XPO6: variants seen among roughly 807,000 people sequenced by gnomAD.
XPO6 encodes the protein exportin-6.
Under a neutral mutation model 130.0 loss-of-function variants are expected in XPO6, and 3 were observed. The observed-to-expected ratio is 0.02, with a 90% CI of 0.01 to 0.06. The LOEUF (loss-of-function observed/expected upper bound fraction) is 0.06, where lower values mean the gene tolerates loss of function less well. Ranked by LOEUF, XPO6 falls within the 10% of genes least tolerant of loss-of-function variation. The pLI is 1.00. For synonymous variants in XPO6, 524 were observed against 548.9 expected (o/e 0.95, Z 0.63); for missense variants, 970 against 1,393.0 (o/e 0.70, Z 4.83).
At chr16:28,133,772 G>A in intron 11 of XPO6, 69 bp downstream of exon 11, 1 of 1,430,390 alleles carries the variant, frequency 7.0e-7, no homozygotes, top group South Asian at 1.2e-5. Flanking sequence ...AGATCCAGGG[G>A]AGTCAACCAG....
rs529603592 is a variant in XPO6, at chr16:28,133,865, C to A, written c.1512G>T (p.Leu504=). The change falls in exon 11 of 24, where the codon CTG becomes CTT. Residue 504 remains leucine, a synonymous_variant. Coordinates refer to ENST00000304658, the MANE Select transcript of XPO6 (RefSeq NM_015171.4). The part of the protein sequence containing the change: ...LEVVAKVMEL[L]PTHAFSTLFP... ...CCAGTGTGGAGAAGGCGTGCGTGGG[C>A]AGGAGCTCCATCACTTTGGCCACCA... 1.9e-6 allele frequency: 3 copies of A among 1,613,974 alleles called. No individual in the cohort carries two copies. The highest frequency in any genetic ancestry group is 2.7e-5 in the African/African-American group (2 of 74,900).
At chr16:28,129,561 A>C (rs2042626177) in intron 12 of XPO6, among the ~76,000 whole-genome samples, 1 of 151,562 alleles carries the variant, frequency 6.6e-6, no homozygotes, top group African/African-American at 2.5e-5. Flanking sequence ...GACCTAAGCC[A>C]CATCCAAAGA....
chr16:28,104,497 T>C, intron 21 of XPO6, 49 bp downstream of exon 21: 1 of 1,596,764 alleles, frequency 6.3e-7, no homozygotes, highest in African/African-American at 1.3e-5. Flanking sequence ...CTCGCTGCAG[T>C]GGTCAGGTTA....
At chr16:28,192,455 C>T (rs1366761156) in intron 1 of XPO6, among the ~76,000 whole-genome samples, 1 of 152,052 alleles carries the variant, frequency 6.6e-6, no homozygotes, top group African/African-American at 2.4e-5. Context: ...TGCAATGCCT[C>T]GCCCTTCCCA....
intron 2 of XPO6, chr16:28,179,352 C>T (rs1239302610): frequency 6.6e-6 from 1 of 152,182 alleles, no homozygotes; most frequent in Non-Finnish European, 1.5e-5. Context: ...GCATGGGCCA[C>T]CATGCCTAGT....
intron 2 of XPO6, among the ~76,000 whole-genome samples, chr16:28,177,910 A>G (rs1429585513): frequency 6.6e-6 from 1 of 152,232 alleles, no homozygotes; most frequent in Non-Finnish European, 1.5e-5. Flanking sequence ...AAGTGAATCG[A>G]CCGGTGGCAA....
At chr16:28,207,265 G>T (rs1457031893) in intron 1 of XPO6, among the ~76,000 whole-genome samples, 1 of 149,414 alleles carries the variant, frequency 6.7e-6, no homozygotes, top group Non-Finnish European at 1.5e-5. Context: ...AAAAAGGAAA[G>T]AAAGAAAGAA....
intron 7 of XPO6, chr16:28,153,163 C>A (rs1445777252): frequency 1.4e-5 from 14 of 1,014,636 alleles, no homozygotes; most frequent in Non-Finnish European, 1.6e-5. Context: ...TTCCGGGAGG[C>A]CAAAATACTA....
chr16:28,133,752 A>G (rs1203981542), intron 11 of XPO6, 89 bp downstream of exon 11: 6 of 949,762 alleles, frequency 6.3e-6, no homozygotes, highest in East Asian at 5.9e-5. Flanking sequence ...GAAAGAGGGG[A>G]GAGAGAGAGA....
Position 28,132,667 on chromosome 16 carries a change from A to AAAGC in XPO6, c.1537-268_1537-265dup, listed in dbSNP as rs1428035094. On this transcript the variant is annotated intron_variant, in intron 11 of 23. Transcript: ENST00000304658. This position sits in a 1 kb window ranked among gnomAD's most constrained non-coding sequence, Gnocchi z 4.0. ...CAACCCTTTTTTTAAAAAAAAAAAA[A>AAAGC]AAGCAAAGGACACTGTGGTATGACT... Among the ~76,000 whole-genome samples the AAAGC allele has an allele frequency of 1.3e-5, 2 of 151,796 alleles. No individual in the cohort carries two copies. The highest frequency in any genetic ancestry group is 1.3e-4 in the Admixed American group (2 of 15,242).
chr16:28,141,903 C>T (rs1387030219), intron 9 of XPO6, among the ~76,000 whole-genome samples: 1 of 152,202 alleles, frequency 6.6e-6, no homozygotes, highest in Non-Finnish European at 1.5e-5. Flanking sequence ...GAGCTTGCAG[C>T]GAGCCAAGAT....
Position 28,146,213 on chromosome 16 carries a change from A to G in XPO6, c.1225-10T>C. ...AACCTTCATGAGTAGGCTATGGTAC[A>G]AAAAAAATCCAGACAATGAAATTAT... On this transcript the variant is annotated splice_polypyrimidine_tract_variant and intron_variant, in intron 8 of 23. Coordinates refer to ENST00000304658, the MANE Select transcript of XPO6 (RefSeq NM_015171.4). The G allele has an allele frequency of 6.4e-7, 1 of 1,568,280 alleles. No individual in the cohort carries two copies.
At chr16:28,128,969 A>G (rs1472177188) in intron 12 of XPO6, among the ~76,000 whole-genome samples, 1 of 152,274 alleles carries the variant, frequency 6.6e-6, no homozygotes, top group African/African-American at 2.4e-5. Flanking sequence ...TGTCTAGCAA[A>G]GAGCAGTACC....
chr16:28,210,544 A>G (rs2044111082), intron 1 of XPO6, among the ~76,000 whole-genome samples: 1 of 152,262 alleles, frequency 6.6e-6, no homozygotes, highest in Non-Finnish European at 1.5e-5. Flanking sequence ...AATAATTACA[A>G]GAGCAAAAAG....
At chr16:28,201,187 G>GA (rs1251087405) in intron 1 of XPO6, among the ~76,000 whole-genome samples, 2 of 152,002 alleles carry the variant, frequency 1.3e-5, no homozygotes. Context: ...CCCACCGGGG[G>GA]AAAAAATACA....
intron 9 of XPO6, among the ~76,000 whole-genome samples, chr16:28,145,212 G>A (rs1257137198): frequency 1.3e-5 from 2 of 152,106 alleles, no homozygotes; most frequent in African/African-American, 4.8e-5. Context: ...CTTCATGACT[G>A]CCTGCTCACT....
chr16:28,119,258 A>G (rs1172575156), intron 14 of XPO6, among the ~76,000 whole-genome samples: 2 of 150,176 alleles, frequency 1.3e-5, no homozygotes, highest in African/African-American at 4.9e-5. Flanking sequence ...GGCTCAAGCG[A>G]TCTTCCCACC....
At chr16:28,185,365 A>AAAT (rs147862887) in intron 1 of XPO6, among the ~76,000 whole-genome samples, 3 of 151,950 alleles carry the variant, frequency 2.0e-5, no homozygotes, top group Non-Finnish European at 2.9e-5. Context: ...GCCTCTTAAA[A>AAAT]AATAATAATA....
chr16:28,201,402 G>A (rs965209784), intron 1 of XPO6, among the ~76,000 whole-genome samples: 2 of 152,136 alleles, frequency 1.3e-5, no homozygotes, highest in South Asian at 4.1e-4. Context: ...GCACTAAAGA[G>A]GCGAAGCAGA....
Sources: gnomAD v4.1 joint callset for allele counts (sites outside exome capture counted in the v4.1 genomes callset) on GRCh38, gnomAD v4.1.1 for gene constraint, Gnocchi (gnomAD v3.1) non-coding constraint, MANE v1.5 for transcripts, NCBI Gene and HGNC (gene_info 2026-07-23, HGNC 2026-07-21) for gene names.